DSCAML1: variants seen among roughly 807,000 people sequenced by gnomAD.
DSCAML1 encodes the protein DS cell adhesion molecule like 1, also known as cell adhesion molecule DSCAML1.
A neutral mutation model predicts 200.5 loss-of-function variants in DSCAML1; 38 were observed. That is an observed-to-expected ratio of 0.19 (90% CI 0.15 to 0.25). The LOEUF is 0.25. DSCAML1 is among the 10% of genes least tolerant of loss of function. The pLI is 1.00. For synonymous variants in DSCAML1, 1,215 were observed against 1,165.0 expected (o/e 1.04, Z -0.87); for missense variants, 2,223 against 2,858.8 (o/e 0.78, Z 5.07).
chr11:117,703,150 A>T (rs1024531648), intron 3 of DSCAML1, among the ~76,000 whole-genome samples: 4 of 152,156 alleles, frequency 2.6e-5, no homozygotes, highest in African/African-American at 9.7e-5. Context: ...CCTGCCGAGA[A>T]TTTCAGGGCT....
At chr11:117,510,111 T>C (rs748213315) in intron 8 of DSCAML1, among the ~76,000 whole-genome samples, 22 of 152,204 alleles carry the variant, frequency 1.4e-4, no homozygotes, top group Non-Finnish European at 2.8e-4. Flanking sequence ...GGCCACTTGT[T>C]TGGGAGTGCT....
At chr11:117,530,521 T>A (rs1029580814) in intron 4 of DSCAML1, among the ~76,000 whole-genome samples, 14 of 152,196 alleles carry the variant, frequency 9.2e-5, no homozygotes, top group African/African-American at 2.9e-4. Context: ...CCTACTCTTA[T>A]GACAGCACGG....
At chr11:117,440,420 C>T (rs2048019615) in intron 21 of DSCAML1, among the ~76,000 whole-genome samples, 1 of 152,128 alleles carries the variant, frequency 6.6e-6, no homozygotes, top group Non-Finnish European at 1.5e-5. Context: ...GGGAAGGAGA[C>T]ACATGTCAAG....
chr11:117,765,081 C>T (rs532964951), intron 3 of DSCAML1, among the ~76,000 whole-genome samples: 1 of 152,274 alleles, frequency 6.6e-6, no homozygotes, highest in African/African-American at 2.4e-5. Context: ...ATACTTTGAG[C>T]CCCAAACTGC....
At chr11:117,542,857 C>T (rs2050298457) in intron 3 of DSCAML1, among the ~76,000 whole-genome samples, 2 of 152,190 alleles carry the variant, frequency 1.3e-5, no homozygotes, top group South Asian at 4.1e-4. Context: ...CCTGGACTCA[C>T]ACCTGGGGCT....
At chr11:117,767,670 C>A (rs1206898644) in intron 3 of DSCAML1, among the ~76,000 whole-genome samples, 2 of 152,266 alleles carry the variant, frequency 1.3e-5, no homozygotes, top group Non-Finnish European at 2.9e-5. Context: ...ATGAGGGAAA[C>A]AGTAATTGCT....
intron 3 of DSCAML1, among the ~76,000 whole-genome samples, chr11:117,762,854 C>T (rs1394932419): frequency 4.7e-5 from 6 of 126,530 alleles, no homozygotes; most frequent in African/African-American, 8.7e-5. Context: ...CAGAGTGAGA[C>T]TCTGTCTCAA....
intron 3 of DSCAML1, among the ~76,000 whole-genome samples, chr11:117,598,515 A>G (rs1043944807): frequency 2.0e-5 from 3 of 152,218 alleles, no homozygotes; most frequent in Non-Finnish European, 4.4e-5. Context: ...ACATGCAGCC[A>G]CGGAAGCTGG....
At chr11:117,572,487 C>G (rs1401967262) in intron 3 of DSCAML1, among the ~76,000 whole-genome samples, 1 of 152,162 alleles carries the variant, frequency 6.6e-6, no homozygotes, top group African/African-American at 2.4e-5. Context: ...GCATTAGCCT[C>G]CCCTCCCTAT....
intron 3 of DSCAML1, among the ~76,000 whole-genome samples, chr11:117,591,235 G>A (rs1219224053): frequency 6.6e-6 from 1 of 152,144 alleles, no homozygotes; most frequent in Non-Finnish European, 1.5e-5. Context: ...TCTCTGGGGC[G>A]AGGAGCAGGT....
At position 117,717,550 on chromosome 11, in the gene DSCAML1, C is replaced by T. The variant is rs189474075; in HGVS notation, c.511+59241G>A. Among the ~76,000 whole-genome samples the T allele has an allele frequency of 1.0e-3, 153 of 152,322 alleles. 1 individual carries two copies. Among genetic ancestry groups the T allele is most frequent in the Non-Finnish European group, 1.7e-3 (113 of 68,034 alleles). On this transcript the variant is annotated intron_variant, in intron 3 of 32. Coordinates refer to ENST00000651296, the MANE Select transcript of DSCAML1 (RefSeq NM_020693.4). The stretch of plus-strand genomic sequence containing the variant: ...GGAGCTCAGAAATAAAAGACCCTGA[C>T]GATCAACCAGCAGTGGCTGTACTGG...
In DSCAML1 at chr11:117,481,705, G is replaced by A. The variant is rs183424550; in HGVS notation, c.2559+258C>T. On this transcript the variant is annotated intron_variant, in intron 12 of 32. Transcript: ENST00000651296. ...CCCAAAAGGGAGAATGGAGCCCTGG[G>A]GGTTCCAGAAAAGAAGGTGGGACTG... 1.3e-3 allele frequency among the ~76,000 whole-genome samples: 202 copies of A among 152,178 alleles called. 1 individual carries two copies. Among genetic ancestry groups the A allele is most frequent in the Non-Finnish European group, 2.0e-3 (133 of 67,974 alleles).
chr11:117,531,941 AGG>A (rs1182462608), intron 4 of DSCAML1, among the ~76,000 whole-genome samples: 1 of 13,184 alleles, frequency 7.6e-5, no homozygotes, highest in Non-Finnish European at 1.2e-4. Context: ...AGGAGGGAGG[AGG>A]GAGGGAGGGA....
intron 3 of DSCAML1, among the ~76,000 whole-genome samples, chr11:117,618,560 A>G (rs1170850518): frequency 1.3e-5 from 2 of 152,178 alleles, no homozygotes; most frequent in African/African-American, 4.8e-5. Context: ...CCAGCTTCAG[A>G]AACCCATCCA....
chr11:117,566,584 T>A (rs2050761879), intron 3 of DSCAML1, among the ~76,000 whole-genome samples: 1 of 151,822 alleles, frequency 6.6e-6, no homozygotes, highest in Non-Finnish European at 1.5e-5. Flanking sequence ...TTTATTTATT[T>A]ATTATTATTA....
intron 11 of DSCAML1, among the ~76,000 whole-genome samples, chr11:117,484,305 G>A (rs2048993705): frequency 6.6e-6 from 1 of 152,120 alleles, no homozygotes; most frequent in South Asian, 2.1e-4. Context: ...GAGTAGGGTG[G>A]ATGAAGGGAG....
chr11:117,543,514 A>G (rs2050311877), intron 3 of DSCAML1, among the ~76,000 whole-genome samples: 1 of 152,152 alleles, frequency 6.6e-6, no homozygotes, highest in African/African-American at 2.4e-5. Context: ...GTACACTTGC[A>G]CAGGCTGATG....
At chr11:117,551,052 T>C (rs1484496476) in intron 3 of DSCAML1, among the ~76,000 whole-genome samples, 2 of 152,164 alleles carry the variant, frequency 1.3e-5, no homozygotes, top group African/African-American at 4.8e-5. Flanking sequence ...ATTCTCTTCT[T>C]TTCCTGCCCC....
At chr11:117,638,860 G>A (rs965650045) in intron 3 of DSCAML1, among the ~76,000 whole-genome samples, 3 of 152,148 alleles carry the variant, frequency 2.0e-5, no homozygotes, top group Non-Finnish European at 2.9e-5. Flanking sequence ...AAGTTTTTGC[G>A]TGGATGTATG....
Sources: allele counts gnomAD v4.1 joint callset (sites outside exome capture counted in the v4.1 genomes callset), GRCh38; gene constraint gnomAD v4.1.1; transcripts MANE v1.5; gene names NCBI Gene and HGNC (gene_info 2026-07-23, HGNC 2026-07-21).